SLC8A1: variants seen among roughly 807,000 people sequenced by gnomAD.
SLC8A1 encodes solute carrier family 8 member A1, also known as sodium/calcium exchanger 1.
Under a neutral mutation model 68.3 loss-of-function variants are expected in SLC8A1, and 18 were observed. The ratio of observed to expected loss-of-function variants is 0.26; its 90% confidence interval spans 0.18 to 0.39. The LOEUF (loss-of-function observed/expected upper bound fraction) is 0.39, where lower values mean the gene tolerates loss of function less well. SLC8A1 is among the 10% of genes least tolerant of loss of function. The pLI is 1.00. For missense variants in SLC8A1, 985 were observed against 1,156.7 expected (o/e 0.85, Z 2.15); for synonymous variants, 475 against 415.5 (o/e 1.14, Z -1.74).
In SLC8A1 at chr2:40,462,001, C is replaced by CTTTTTTTTTTT. The variant is rs370223854; in HGVS notation, c.-24-31708_-24-31698dup. ...CCTCTCATTTTAAAGTAAAATCCTCCTTTTTTTTTTTTTTTTTTTTTTTGA... is the reference window on the plus strand; with the variant it reads ...CCTCTCATTTTAAAGTAAAATCCTCCTTTTTTTTTTTTTTTTTTTTTTTTTTTTTTTTTTGA... On this transcript the variant is annotated intron_variant, in intron 1 of 7. Coordinates refer to the SLC8A1 transcript ENST00000402441. Among the ~76,000 whole-genome samples, 179 of 66,132 alleles carry CTTTTTTTTTTT rather than the reference C, an allele frequency of 2.7e-3. 17 individuals are homozygous for CTTTTTTTTTTT. Among genetic ancestry groups the CTTTTTTTTTTT allele is most frequent in the East Asian group, 6.1e-3 (14 of 2,288 alleles). 43.4% of individuals were successfully genotyped at this position (66,132 alleles called of 152,430 possible). A position where few individuals can be genotyped will look rare whatever the true frequency, so the allele number is the denominator to read the frequency against.
intron 2 of SLC8A1, among the ~76,000 whole-genome samples, chr2:40,309,469 A>G (rs1197369949): frequency 7.2e-6 from 1 of 138,928 alleles, no homozygotes; most frequent in Non-Finnish European, 1.6e-5. Flanking sequence ...AGCAGGTCAT[A>G]TTGTGTAAAT....
chr2:40,239,920 G>A (rs2060984615), intron 2 of SLC8A1, among the ~76,000 whole-genome samples: 1 of 152,172 alleles, frequency 6.6e-6, no homozygotes, highest in African/African-American at 2.4e-5. Flanking sequence ...ATATCTTAAT[G>A]TAAGAAGAGT....
chr2:40,477,317 A>C (rs1704350941), intron 1 of SLC8A1, among the ~76,000 whole-genome samples: 1 of 152,152 alleles, frequency 6.6e-6, no homozygotes, highest in African/African-American at 2.4e-5. Flanking sequence ...GAAGTGTTGC[A>C]GCTCCCTATT....
At chr2:40,199,025 T>A (rs529502557) in intron 2 of SLC8A1, among the ~76,000 whole-genome samples, 2 of 151,832 alleles carry the variant, frequency 1.3e-5, no homozygotes, top group African/African-American at 4.8e-5. Flanking sequence ...GAAGGCATTA[T>A]ATTTTAAAAT....
At chr2:40,277,900 T>A (rs2066979972) in intron 2 of SLC8A1, among the ~76,000 whole-genome samples, 1 of 149,858 alleles carries the variant, frequency 6.7e-6, no homozygotes, top group South Asian at 2.1e-4. Flanking sequence ...ACATCTAAAA[T>A]GTATTTAATT....
chr2:40,341,222 A>C (rs1418000131), intron 2 of SLC8A1, among the ~76,000 whole-genome samples: 1 of 152,212 alleles, frequency 6.6e-6, no homozygotes, highest in African/African-American at 2.4e-5. Context: ...GGCTTCGTGA[A>C]ACAAGTCAAT....
intron 2 of SLC8A1, among the ~76,000 whole-genome samples, chr2:40,245,109 G>A (rs925653202): frequency 6.7e-6 from 1 of 149,994 alleles, no homozygotes; most frequent in African/African-American, 2.5e-5. Context: ...ATATGTGATA[G>A]CCATGAAAAT....
chr2:40,277,400 C>T (rs943054301), intron 2 of SLC8A1, among the ~76,000 whole-genome samples: 5 of 151,890 alleles, frequency 3.3e-5, no homozygotes, highest in South Asian at 2.1e-4. Context: ...ATTAGCCAGG[C>T]GTGGTGGTGG....
rs534705800 is a variant in SLC8A1, at chr2:40,116,931, C to T, written c.2438-1302G>A. 3 of 152,440 alleles carry T rather than the reference C, an allele frequency of 2.0e-5. No homozygotes were observed. The East Asian group carries it at 5.8e-4, about 29-fold the overall frequency. 9.4% of individuals were successfully genotyped at this position (152,440 alleles called of 1,614,324 possible). On this transcript the variant is annotated intron_variant, in intron 7 of 7. Transcript: ENST00000406785. ...TGAGCTGGGGGACTTCAAATCCTGC[C>T]TTCGCAGCTGACTGTGTGACTCTGG...
chr2:40,324,645 TTCTCTCCC>T (rs2075607800), intron 2 of SLC8A1, among the ~76,000 whole-genome samples: 1 of 152,034 alleles, frequency 6.6e-6, no homozygotes, highest in Non-Finnish European at 1.5e-5. Context: ...AGTTATTAGT[TTCTCTCCC>T]TCTCTCCCTT....
At chr2:40,506,453 A>G (rs1169944844) in intron 1 of SLC8A1, among the ~76,000 whole-genome samples, 4 of 151,982 alleles carry the variant, frequency 2.6e-5, no homozygotes, top group Non-Finnish European at 4.4e-5. Context: ...CATAAGCTAA[A>G]TTCATAAATG....
chr2:40,134,211 C>T (rs1002277540), intron 7 of SLC8A1, among the ~76,000 whole-genome samples: 1 of 151,992 alleles, frequency 6.6e-6, no homozygotes, highest in Admixed American at 6.6e-5. Flanking sequence ...CCTGTCTCAG[C>T]CTCCCGAACA....
intron 2 of SLC8A1, among the ~76,000 whole-genome samples, chr2:40,285,133 T>A (rs2068108681): frequency 1.3e-5 from 2 of 152,156 alleles, no homozygotes; most frequent in African/African-American, 4.8e-5. Flanking sequence ...GTAGCAACTC[T>A]GTGAATTGGG....
At chr2:40,199,158 A>G (rs2053655764) in intron 2 of SLC8A1, among the ~76,000 whole-genome samples, 1 of 151,936 alleles carries the variant, frequency 6.6e-6, no homozygotes, top group South Asian at 2.1e-4. Context: ...CCATGTTTTT[A>G]GTTGTGGAAT....
intron 2 of SLC8A1, among the ~76,000 whole-genome samples, chr2:40,215,115 T>A (rs529407525): frequency 6.6e-6 from 1 of 152,308 alleles, no homozygotes; most frequent in Non-Finnish European, 1.5e-5. Context: ...TCTGCTAAAG[T>A]ATTTATGAGT....
intron 2 of SLC8A1, among the ~76,000 whole-genome samples, chr2:40,406,817 C>A (rs754241296): frequency 1.2e-4 from 19 of 152,150 alleles, no homozygotes; most frequent in Non-Finnish European, 2.5e-4. Context: ...TGCAGAGGGA[C>A]CTAACTTCTC....
intron 1 of SLC8A1, among the ~76,000 whole-genome samples, chr2:40,502,328 T>A (rs1363573760): frequency 1.3e-5 from 2 of 152,096 alleles, no homozygotes; most frequent in East Asian, 1.9e-4. Flanking sequence ...GTTTGCGGAC[T>A]ATGGTCTGGT....
exon 8 of SLC8A1, chr2:40,115,254 T>C (rs2035106757): frequency 6.2e-7 from 1 of 1,604,674 alleles, no homozygotes; most frequent in Non-Finnish European, 8.5e-7. Context: ...ATAGTTCCTT[T>C]AGAAGCCTTT....
At chr2:40,252,963 A>G (rs1311629954) in intron 2 of SLC8A1, among the ~76,000 whole-genome samples, 2 of 120,124 alleles carry the variant, frequency 1.7e-5, no homozygotes, top group African/African-American at 6.0e-5. Flanking sequence ...ATGTGTGTAT[A>G]TGTATGTACA....
Sources: gnomAD v4.1 joint callset for allele counts (sites outside exome capture counted in the v4.1 genomes callset) on GRCh38, gnomAD v4.1.1 for gene constraint, MANE v1.5 for transcripts, NCBI Gene and HGNC (gene_info 2026-07-23, HGNC 2026-07-21) for gene names.